The following TRPM3 variants were observed in gnomAD, a reference collection of about 807,000 sequenced individuals.
The protein encoded by TRPM3 is transient receptor potential cation channel subfamily M member 3.
TRPM3 carries 77 observed loss-of-function variants against 181.2 expected under a neutral mutation model. That is an observed-to-expected ratio of 0.42 (90% CI 0.35 to 0.51). TRPM3 has a LOEUF of 0.51. Among genes scored for constraint, TRPM3 ranks in the 20% least tolerant of loss-of-function variants. The pLI is 0.01. For missense variants in TRPM3, 1,759 were observed against 2,196.7 expected (o/e 0.80, Z 3.98); for synonymous variants, 745 against 796.4 (o/e 0.94, Z 1.09).
intron 6 of TRPM3, among the ~76,000 whole-genome samples, chr9:70,803,033 TAA>T (rs78461560): frequency 2.3e-5 from 1 of 42,888 alleles, no homozygotes; most frequent in African/African-American, 8.6e-5. Flanking sequence ...AGAAATTTTG[TAA>T]AAAAAAAAAA....
intron 8 of TRPM3, among the ~76,000 whole-genome samples, chr9:70,690,537 T>C (rs552346426): frequency 2.2e-5 from 3 of 136,992 alleles, no homozygotes; most frequent in African/African-American, 8.3e-5. Flanking sequence ...GAAATAACTT[T>C]TTATTTATTT....
At chr9:71,094,801 G>A (rs779599676) in intron 1 of TRPM3, among the ~76,000 whole-genome samples, 5 of 152,030 alleles carry the variant, frequency 3.3e-5, no homozygotes, top group African/African-American at 9.7e-5. Context: ...ATCAAACTGT[G>A]CCTCTGGTTT....
chr9:71,082,017 T>C (rs567365739), intron 1 of TRPM3, among the ~76,000 whole-genome samples: 1 of 152,304 alleles, frequency 6.6e-6, no homozygotes, highest in East Asian at 1.9e-4. Flanking sequence ...AACCTCAATG[T>C]TTTTAAACAA....
chr9:71,350,488 T>C (rs562017565), intron 1 of TRPM3, among the ~76,000 whole-genome samples: 51 of 152,342 alleles, frequency 3.3e-4, no homozygotes, highest in Admixed American at 2.0e-3. Context: ...CTTCCCTTGA[T>C]TGTGAAATTA....
chr9:71,352,132 C>T (rs2091675075), intron 1 of TRPM3, among the ~76,000 whole-genome samples: 1 of 152,066 alleles, frequency 6.6e-6, no homozygotes, highest in South Asian at 2.1e-4. Flanking sequence ...ACCTCAGCCT[C>T]CCAAAGTGGT....
intron 7 of TRPM3, among the ~76,000 whole-genome samples, chr9:70,783,154 G>A (rs759527927): frequency 3.3e-5 from 5 of 152,120 alleles, no homozygotes; most frequent in Non-Finnish European, 7.4e-5. Flanking sequence ...GCAATTAATT[G>A]TACGTTTTTC....
chr9:70,842,648 A>G (rs2094752639), intron 5 of TRPM3, among the ~76,000 whole-genome samples: 1 of 152,114 alleles, frequency 6.6e-6, no homozygotes, highest in South Asian at 2.1e-4. Context: ...ATATCTGTCA[A>G]TGAGTTCATG....
Position 70,536,864 on chromosome 9 carries a change from A to G in TRPM3, c.4249T>C (p.Ser1417Pro). Residue 1417 changes from serine to proline, a missense_variant, in exon 26 of 26, where the codon TCT becomes CCT. By Grantham distance (74) the Ser-to-Pro change is moderately conservative. This residue lies in a region of TRPM3 where 612 missense variants were observed against 590.0 expected (regional missense o/e 1.04). Transcript: ENST00000677713. ...RPSSCIDIYV[S>P]AMDELHCDID... ...TCACAGTGGAGCTCATCCATAGCAG[A>G]GACATAGATGTCTATACACGATGAT... 6.2e-7 allele frequency: 1 copy of G among 1,614,158 alleles called. No homozygotes were observed. Among genetic ancestry groups the G allele is most frequent in the East Asian group, 2.2e-5 (1 of 44,868 alleles).
chr9:71,047,291 ATAGAG>A (rs1176256639), intron 1 of TRPM3, among the ~76,000 whole-genome samples: 15 of 152,242 alleles, frequency 9.9e-5, no homozygotes, highest in African/African-American at 2.2e-4. Context: ...TGTATAATAA[ATAGAG>A]TATAGTCATT....
chr9:71,383,540 A>G (rs889916390), intron 1 of TRPM3, among the ~76,000 whole-genome samples: 1 of 152,170 alleles, frequency 6.6e-6, no homozygotes, highest in Non-Finnish European at 1.5e-5. Context: ...ACAAAAGGCA[A>G]CAGCCCCTGT....
At chr9:70,670,854 T>A (rs1236870592) in intron 9 of TRPM3, among the ~76,000 whole-genome samples, 1 of 152,150 alleles carries the variant, frequency 6.6e-6, no homozygotes, top group Non-Finnish European at 1.5e-5. Context: ...TGGGAGAGGT[T>A]TAATTGATTT....
chr9:71,421,011 G>GAGAGAAAAAGAGAAAAAGAGAGAAAA lies in TRPM3; in HGVS notation c.183+25641_183+25642insTTTTCTCTCTTTTTCTCTTTTTCTCT, dbSNP rs1563912828. On this transcript the variant is annotated intron_variant, in intron 1 of 24. Transcript: ENST00000357533. The stretch of plus-strand genomic sequence containing the variant: ...AAAGAGAGAGAAAAAGAGAGAAAAA[G>GAGAGAAAAAGAGAAAAAGAGAGAAAA]AGAGAAAAAGAGAGAAAAAGAAAAA... Among the ~76,000 whole-genome samples, 281 of 118,294 alleles carry GAGAGAAAAAGAGAAAAAGAGAGAAAA rather than the reference G, an allele frequency of 2.4e-3. 4 individuals are homozygous for GAGAGAAAAAGAGAAAAAGAGAGAAAA. Among genetic ancestry groups the GAGAGAAAAAGAGAAAAAGAGAGAAAA allele is most frequent in the African/African-American group, 6.8e-3 (226 of 33,118 alleles). 77.6% of individuals were successfully genotyped at this position (118,294 alleles called of 152,430 possible). A position where few individuals can be genotyped will look rare whatever the true frequency, so the allele number is the denominator to read the frequency against.
chr9:70,984,549 A>C (rs1183518108), intron 1 of TRPM3, among the ~76,000 whole-genome samples: 2 of 152,218 alleles, frequency 1.3e-5, no homozygotes, highest in East Asian at 3.8e-4. Context: ...TTAAAATAAA[A>C]GCTACTGGGA....
At chr9:71,096,590 A>ACACACACACTCTCACTCT (rs1452142664) in intron 1 of TRPM3, among the ~76,000 whole-genome samples, 1 of 89,998 alleles carries the variant, frequency 1.1e-5, no homozygotes, top group African/African-American at 5.2e-5. Context: ...ACACACACAC[A>ACACACACACTCTCACTCT]CTCTCTCTCT....
chr9:70,761,246 A>G lies in TRPM3; in HGVS notation c.1272+355T>C, dbSNP rs139466270. On this transcript the variant is annotated intron_variant, in intron 8 of 25. Transcript: ENST00000677713. ...TTGACAGAAAGCACCTCAGTGGTTC[A>G]TGACTTCCAAGCAAAATGAAATCCG... 7.2e-4 allele frequency: 426 copies of G among 593,232 alleles called. 8 individuals carry two copies. The East Asian group carries it at 0.012, about 16-fold the overall frequency. 36.7% of individuals were successfully genotyped at this position (593,232 alleles called of 1,614,324 possible).
intron 1 of TRPM3, among the ~76,000 whole-genome samples, chr9:71,316,718 A>T (rs1189724793): frequency 6.6e-6 from 1 of 152,160 alleles, no homozygotes; most frequent in Non-Finnish European, 1.5e-5. Flanking sequence ...TGACACCTTG[A>T]TATTAGCCCA....
intron 1 of TRPM3, among the ~76,000 whole-genome samples, chr9:71,375,144 C>T (rs2092633374): frequency 6.6e-6 from 1 of 151,642 alleles, no homozygotes; most frequent in South Asian, 2.1e-4. Flanking sequence ...AATAGCCAAA[C>T]CAAAACAGCA....
intron 1 of TRPM3, among the ~76,000 whole-genome samples, chr9:71,017,317 G>A (rs2097792705): frequency 6.6e-6 from 1 of 151,784 alleles, no homozygotes; most frequent in Admixed American, 6.6e-5. Flanking sequence ...CAAATAGTAT[G>A]GTGGCCTATT....
Position 70,827,691 on chromosome 9 carries a change from G to A in TRPM3, c.973+156C>T, listed in dbSNP as rs570458991. 35 of 811,840 alleles carry A rather than the reference G, an allele frequency of 4.3e-5. 1 individual carries two copies. The African/African-American group carries it at 5.0e-4, about 12-fold the overall frequency. The allele number at this position is 811,840 out of a possible 1,614,324, so 50.3% of individuals were successfully genotyped here. On this transcript the variant is annotated intron_variant, in intron 6 of 25. Coordinates refer to ENST00000677713, the MANE Select transcript of TRPM3 (RefSeq NM_001366145.2). Reference sequence around the variant, plus strand: ...CGCCTCCAATTGTTCTCCTCTGGATGGCTTCCTCTCATTCTAAGCTCTGGC... The same window carrying A: ...CGCCTCCAATTGTTCTCCTCTGGATAGCTTCCTCTCATTCTAAGCTCTGGC...
Sources: gnomAD v4.1 joint callset for allele counts (sites outside exome capture counted in the v4.1 genomes callset) on GRCh38, gnomAD v4.1.1 for gene constraint, gnomAD v4.1.1 regional missense constraint, MANE v1.5 for transcripts, NCBI Gene and HGNC (gene_info 2026-07-23, HGNC 2026-07-21) for gene names.